Variants in DLG2 observed in about 807,000 individuals in gnomAD.
The protein encoded by DLG2 is discs large MAGUK scaffold protein 2.
Under a neutral mutation model 132.5 loss-of-function variants are expected in DLG2, and 45 were observed. The ratio of observed to expected loss-of-function variants is 0.34; its 90% CI spans 0.27 to 0.44. The LOEUF (loss-of-function observed/expected upper bound fraction) is 0.44, where lower values mean the gene tolerates loss of function less well. DLG2 is among the 20% of genes least tolerant of loss of function. DLG2 has a pLI of 1.00. For missense variants in DLG2, 1,045 were observed against 1,196.9 expected (o/e 0.87, Z 1.87); for synonymous variants, 424 against 419.6 (o/e 1.01, Z -0.13).
chr11:84,181,477 A>C (rs1033519128), intron 8 of DLG2, among the ~76,000 whole-genome samples: 3 of 152,138 alleles, frequency 2.0e-5, no homozygotes, highest in Admixed American at 2.0e-4. Context: ...CAGTAATTAG[A>C]AAATGGTAAC....
chr11:85,572,359 C>T (rs758936823), intron 3 of DLG2, among the ~76,000 whole-genome samples: 1 of 152,098 alleles, frequency 6.6e-6, no homozygotes, highest in Non-Finnish European at 1.5e-5. Flanking sequence ...GAGCCCACAA[C>T]AAGACCTTGC....
chr11:84,573,839 A>T (rs2154528124), intron 6 of DLG2, among the ~76,000 whole-genome samples: 1 of 152,306 alleles, frequency 6.6e-6, no homozygotes, highest in African/African-American at 2.4e-5. Flanking sequence ...ACAATCATTC[A>T]TCTTCATGCT....
intron 3 of DLG2, among the ~76,000 whole-genome samples, chr11:85,465,149 T>TTTTTATA: frequency 7.6e-6 from 1 of 132,100 alleles, no homozygotes; most frequent in African/African-American, 3.0e-5. Context: ...AATATAAGAT[T>TTTTTATA]TTTTTTTTTT....
chr11:84,316,927 C>G (rs772426497), intron 7 of DLG2: 3 of 1,612,876 alleles, frequency 1.9e-6, no homozygotes, highest in Non-Finnish European at 2.5e-6. Context: ...CACTGTCCCA[C>G]AAGGTCCTGT....
chr11:83,935,954 A>T (rs2081339905), intron 14 of DLG2, among the ~76,000 whole-genome samples: 1 of 152,218 alleles, frequency 6.6e-6, no homozygotes, highest in South Asian at 2.1e-4. Flanking sequence ...AAATAGGAAC[A>T]ATGTGCATAA....
At chr11:85,455,308 G>A (rs2092385823) in intron 3 of DLG2, among the ~76,000 whole-genome samples, 1 of 152,114 alleles carries the variant, frequency 6.6e-6, no homozygotes, top group African/African-American at 2.4e-5. Flanking sequence ...TTGTGTTCCT[G>A]ATTTGGCTCT....
rs181859894 is a variant in DLG2 at position 85,353,863 on chromosome 11, A to G, written c.41-68498T>C. ...TGGGGTGGGAGGAAGGGGGAGGGAT[A>G]GCATTATGAAAAATACCTAACGTAA... is the stretch of plus-strand genomic sequence containing the variant. On this transcript the variant is annotated intron_variant, in intron 3 of 27. Coordinates refer to ENST00000376104, the MANE Select transcript of DLG2 (RefSeq NM_001142699.3). 4.4e-3 allele frequency among the ~76,000 whole-genome samples: 677 copies of G among 152,248 alleles called. 7 individuals carry two copies. The highest frequency in any genetic ancestry group is 8.2e-3 in the Non-Finnish European group (558 of 68,012).
chr11:85,025,326 A>T (rs1426075555), intron 6 of DLG2, among the ~76,000 whole-genome samples: 1 of 152,218 alleles, frequency 6.6e-6, no homozygotes, highest in Non-Finnish European at 1.5e-5. Context: ...ATCTGGCCTC[A>T]GGCTCTGACC....
chr11:84,981,844 C>A (rs2055801009), intron 6 of DLG2, among the ~76,000 whole-genome samples: 1 of 152,070 alleles, frequency 6.6e-6, no homozygotes, highest in Non-Finnish European at 1.5e-5. Flanking sequence ...TCACTCCATT[C>A]AGGCATCTAC....
At chr11:84,353,353 A>C (rs2098593059) in intron 7 of DLG2, among the ~76,000 whole-genome samples, 2 of 152,152 alleles carry the variant, frequency 1.3e-5, no homozygotes. Context: ...CTCTTCCTGC[A>C]GTGTTCCCTC....
At chr11:84,620,722 T>A (rs1428075718) in intron 6 of DLG2, among the ~76,000 whole-genome samples, 2 of 152,110 alleles carry the variant, frequency 1.3e-5, no homozygotes, top group African/African-American at 2.4e-5. Flanking sequence ...GTTGATGATG[T>A]GAACAATGCA....
intron 6 of DLG2, among the ~76,000 whole-genome samples, chr11:84,849,102 G>C (rs1445362814): frequency 6.6e-6 from 1 of 152,144 alleles, no homozygotes; most frequent in African/African-American, 2.4e-5. Context: ...GGAAAGATGA[G>C]GTTATGAGAG....
intron 4 of DLG2, among the ~76,000 whole-genome samples, chr11:85,271,432 C>T (rs573497238): frequency 1.3e-5 from 2 of 152,232 alleles, no homozygotes; most frequent in African/African-American, 4.8e-5. Flanking sequence ...TGCCCCCACA[C>T]AGAGTCCCCA....
chr11:84,923,735 G>A (rs1026756308), intron 6 of DLG2: 1 of 289,064 alleles, frequency 3.5e-6, no homozygotes, highest in African/African-American at 2.3e-5. Flanking sequence ...ACAGGACCAG[G>A]ACCAGAGGAT....
In DLG2 at chr11:85,144,340, T is replaced by C. The variant is rs191075783; in HGVS notation, c.282+10216A>G. Among the ~76,000 whole-genome samples the C allele has an allele frequency of 6.4e-3, 793 of 124,108 alleles. 4 individuals carry two copies. Among genetic ancestry groups the C allele is most frequent in the Non-Finnish European group, 9.2e-3 (552 of 59,676 alleles). The allele number at this position is 124,108 out of a possible 152,430, so 81.4% of individuals were successfully genotyped here. On this transcript the variant is annotated intron_variant, in intron 5 of 27. Transcript: ENST00000376104. ...TGAAGTGAGTTTTGTAGGCAGCATA[T>C]AATTGGGTCTTTTTTTTTTTTTTTT...
At chr11:84,122,014 CA>C (rs933720910) in intron 9 of DLG2, among the ~76,000 whole-genome samples, 4 of 151,872 alleles carry the variant, frequency 2.6e-5, no homozygotes, top group African/African-American at 9.7e-5. Flanking sequence ...CAAATTAAAA[CA>C]ATCAGTGGTG....
intron 3 of DLG2, among the ~76,000 whole-genome samples, chr11:85,379,393 T>A (rs1252183027): frequency 6.6e-6 from 1 of 152,158 alleles, no homozygotes; most frequent in Non-Finnish European, 1.5e-5. Flanking sequence ...AAAATTATTT[T>A]AAAAAATCAT....
chr11:85,207,767 A>G (rs1012303946), intron 4 of DLG2, among the ~76,000 whole-genome samples: 1 of 152,058 alleles, frequency 6.6e-6, no homozygotes, highest in Non-Finnish European at 1.5e-5. Flanking sequence ...CTTTCTTATC[A>G]CTACTCAAAT....
intron 7 of DLG2, among the ~76,000 whole-genome samples, chr11:84,399,554 T>C (rs748043941): frequency 2.0e-5 from 3 of 152,172 alleles, no homozygotes; most frequent in Middle Eastern, 3.4e-3. Flanking sequence ...GCCTCACGAG[T>C]AGCTGGGACT....
Sources: gnomAD v4.1 joint callset for allele counts (sites outside exome capture counted in the v4.1 genomes callset) on GRCh38, gnomAD v4.1.1 for gene constraint, MANE v1.5 for transcripts, NCBI Gene and HGNC (gene_info 2026-07-23, HGNC 2026-07-21) for gene names.